The following EXOC1 variants were observed in gnomAD, a reference collection of about 807,000 sequenced individuals.
EXOC1 encodes exocyst complex component 1.
Under a neutral mutation model 107.7 loss-of-function variants are expected in EXOC1, and 67 were observed. The ratio of observed to expected loss-of-function variants is 0.62; its 90% CI spans 0.51 to 0.76. The LOEUF (loss-of-function observed/expected upper bound fraction) is 0.76. EXOC1 is among the 30% of genes least tolerant of loss of function. The probability of loss-of-function intolerance (pLI) is 0.00; values close to 1 mark genes in which losing one functional copy is unlikely to be tolerated. For synonymous variants in EXOC1, 348 were observed against 353.5 expected, an observed-to-expected ratio of 0.98 and a Z score of 0.17; for missense variants, 833 against 1,055.7, an observed-to-expected ratio of 0.79 and a Z score of 2.92.
In EXOC1 at chr4:55,863,705, C is replaced by T. The variant is rs1721691064; in HGVS notation, c.256-522C>T. Among the ~76,000 whole-genome samples the T allele has an allele frequency of 3.3e-5, 5 of 152,294 alleles. 1 individual carries two copies. The South Asian group carries it at 1.0e-3, about 32-fold the overall frequency. ...TTTCAAAATAGAAAATAATTAGGCG[C>T]AATCTCTGCTTTTCACCTCACTTGT... On this transcript the variant is annotated intron_variant, in intron 3 of 18. Coordinates refer to ENST00000381295, the MANE Select transcript of EXOC1 (RefSeq NM_001024924.2).
At chr4:55,861,061 ACACT>A (rs1271589003) in intron 3 of EXOC1, among the ~76,000 whole-genome samples, 1 of 152,190 alleles carries the variant, frequency 6.6e-6, no homozygotes, top group Non-Finnish European at 1.5e-5. Flanking sequence ...TAGATAAACC[ACACT>A]CAAACTCCAA....
At chr4:55,857,501 C>A (rs778176614) in intron 1 of EXOC1, among the ~76,000 whole-genome samples, 6 of 152,092 alleles carry the variant, frequency 3.9e-5, no homozygotes, top group Non-Finnish European at 7.4e-5. Context: ...GAATAATAAT[C>A]CATTGTATGG....
intron 1 of EXOC1, among the ~76,000 whole-genome samples, chr4:55,854,770 A>G (rs753436925): frequency 3.9e-5 from 6 of 152,206 alleles, no homozygotes; most frequent in Non-Finnish European, 8.8e-5. Flanking sequence ...TATGTGGTAA[A>G]CGTTGGTCCC....
intron 2 of EXOC1, 40 bp downstream of exon 2, chr4:55,858,487 T>C: frequency 6.6e-7 from 1 of 1,515,542 alleles, no homozygotes; most frequent in Non-Finnish European, 8.8e-7. Flanking sequence ...TTTGTATCCT[T>C]TTATTATTTA....
intron 15 of EXOC1, among the ~76,000 whole-genome samples, chr4:55,894,088 G>A (rs1283579926): frequency 1.3e-5 from 2 of 152,150 alleles, no homozygotes; most frequent in Non-Finnish European, 2.9e-5. Flanking sequence ...ACTTTTTAAG[G>A]CCGAGGTGGG....
intron 8 of EXOC1, chr4:55,875,944 C>T (rs978169043): frequency 2.1e-6 from 2 of 931,946 alleles, no homozygotes; most frequent in African/African-American, 3.6e-5. Flanking sequence ...AATTTGGAGA[C>T]ATTTATAGAC....
intron 15 of EXOC1, among the ~76,000 whole-genome samples, chr4:55,894,709 G>A (rs765163223): frequency 1.5e-5 from 2 of 131,082 alleles, no homozygotes; most frequent in East Asian, 2.6e-4. Flanking sequence ...CGCAACCTCC[G>A]CCTCCTGGGT....
At chr4:55,898,498 A>G (rs1725512502) in intron 16 of EXOC1, among the ~76,000 whole-genome samples, 1 of 152,232 alleles carries the variant, frequency 6.6e-6, no homozygotes, top group Admixed American at 6.5e-5. Context: ...AGTGCTAGCC[A>G]GTACAAGACC....
At chr4:55,884,099 A>G (rs964145878) in intron 10 of EXOC1, among the ~76,000 whole-genome samples, 171 bp downstream of exon 10, 9 of 152,218 alleles carry the variant, frequency 5.9e-5, no homozygotes, top group Non-Finnish European at 8.8e-5. Flanking sequence ...AAATATGTAT[A>G]TCTGTAAATT....
rs1208758687 is a variant in EXOC1, at chr4:55,871,246, G to C, written c.964+13G>C. Reference sequence around the variant, plus strand: ...GCTCTTCGACCAGGTATGTTCATTAGAAATGACAAAAATGTGACCAAGAAT... The same window carrying C: ...GCTCTTCGACCAGGTATGTTCATTACAAATGACAAAAATGTGACCAAGAAT... On this transcript the variant is annotated intron_variant, in intron 7 of 18. Coordinates refer to ENST00000381295, the MANE Select transcript of EXOC1 (RefSeq NM_001024924.2). 4 of 1,597,632 alleles carry C rather than the reference G, an allele frequency of 2.5e-6. No homozygotes were observed. Among genetic ancestry groups the C allele is most frequent in the Non-Finnish European group, 3.4e-6 (4 of 1,170,812 alleles).
At chr4:55,865,286 T>C (rs1317949120) in intron 4 of EXOC1, among the ~76,000 whole-genome samples, 3 of 152,196 alleles carry the variant, frequency 2.0e-5, no homozygotes, top group Admixed American at 6.5e-5. Flanking sequence ...TATGAGATTT[T>C]CTCTACTTTT....
At chr4:55,890,570 T>C (rs1724412969) in intron 12 of EXOC1, among the ~76,000 whole-genome samples, 184 bp downstream of exon 12, 1 of 147,484 alleles carries the variant, frequency 6.8e-6, no homozygotes. Flanking sequence ...ACAAGTAAAA[T>C]GTGAATTATC....
intron 10 of EXOC1, chr4:55,885,527 A>G (rs1277179973): frequency 1.3e-5 from 2 of 152,178 alleles, no homozygotes; most frequent in South Asian, 2.1e-4. Flanking sequence ...CATATCTTCT[A>G]TTAAATGTGT....
rs772700227 is a variant in EXOC1, at chr4:55,894,614, C to CTTTTTTT, written c.1953+853_1953+859dup. ...TTGACAACTTTCTTACTATCTGTTA[C>CTTTTTTT]TTTTTTTTTTTTTTTTTTTTTTTTT... On this transcript the variant is annotated intron_variant, in intron 15 of 18. Coordinates refer to ENST00000381295, the MANE Select transcript of EXOC1 (RefSeq NM_001024924.2). Among the ~76,000 whole-genome samples, 231 of 76,124 alleles carry CTTTTTTT rather than the reference C, an allele frequency of 3.0e-3. 1 individual carries two copies. Among genetic ancestry groups the CTTTTTTT allele is most frequent in the South Asian group, 3.8e-3 (6 of 1,560 alleles). The allele number at this position is 76,124 out of a possible 152,430, so 49.9% of individuals were successfully genotyped here. A position where few individuals can be genotyped will look rare whatever the true frequency, so the allele number is the denominator to read the frequency against.
intron 16 of EXOC1, among the ~76,000 whole-genome samples, chr4:55,898,119 G>A (rs533901045): frequency 1.6e-4 from 24 of 152,184 alleles, no homozygotes; most frequent in South Asian, 8.3e-4. Flanking sequence ...TTAGCCAGAC[G>A]TGGTGGTGTG....
chr4:55,878,024 G>A lies in EXOC1; in HGVS notation c.1182G>A (p.Trp394Ter). Residue 394 changes from tryptophan (W) to a stop codon, truncating the protein, a stop_gained, in exon 9 of 19, where the codon TGG becomes TGA. Transcript: ENST00000381295. LOFTEE classifies it high-confidence loss of function. ...DLLRYAKLME[W>*]LKSTDYGKYE... Reference sequence around the variant, plus strand: ...TCCGATATGCCAAGCTGATGGAGTGGCTAAAGAGTACAGATTATGGAAAAT... The same window carrying A: ...TCCGATATGCCAAGCTGATGGAGTGACTAAAGAGTACAGATTATGGAAAAT... The A allele has an allele frequency of 6.2e-7, 1 of 1,613,796 alleles. No homozygotes were observed. The highest frequency in any genetic ancestry group is 8.5e-7 in the Non-Finnish European group (1 of 1,179,832).
chr4:55,878,008 C>G lies in EXOC1; in HGVS notation c.1166C>G (p.Ala389Gly), dbSNP rs745338525. ...HPFHRDLLRY[A>G]KLMEWLKSTD... ...TTTCATAGAGATTTGCTCCGATATG[C>G]CAAGCTGATGGAGTGGCTAAAGAGT... is the stretch of plus-strand genomic sequence containing the variant. Residue 389 changes from alanine (A) to glycine (G), a missense_variant, in exon 9 of 19, where the codon GCC becomes GGC. Ala to Gly is a moderately conservative substitution (Grantham distance 60). Transcript: ENST00000381295. 3 of 1,613,756 alleles carry G rather than the reference C, an allele frequency of 1.9e-6. No homozygotes were observed. Among genetic ancestry groups the G allele is most frequent in the Admixed American group, 3.3e-5 (2 of 59,980 alleles).
rs773781899 is a variant in EXOC1 at position 55,853,722 on chromosome 4, G to C, written c.-242G>C. The C allele has an allele frequency of 6.6e-6, 1 of 152,288 alleles. No individual in the cohort carries two copies. 9.4% of individuals were successfully genotyped at this position (152,288 alleles called of 1,614,324 possible). ...CCCGTTCAACGCTTTATTGAGGGGC[G>C]TATCCTAGTGGCCCCCATCCGGTCT... On this transcript the variant is annotated 5_prime_UTR_variant, in exon 1 of 19. Coordinates refer to ENST00000381295, the MANE Select transcript of EXOC1 (RefSeq NM_001024924.2).
At chr4:55,856,334 C>G (rs760468262) in intron 1 of EXOC1, among the ~76,000 whole-genome samples, 1 of 152,104 alleles carries the variant, frequency 6.6e-6, no homozygotes, top group Non-Finnish European at 1.5e-5. Flanking sequence ...AGCACTGTCT[C>G]CAGGCTAGGT....
Sources: allele counts gnomAD v4.1 joint callset (sites outside exome capture counted in the v4.1 genomes callset), GRCh38; gene constraint gnomAD v4.1.1; transcripts MANE v1.5; gene names NCBI Gene and HGNC (gene_info 2026-07-23, HGNC 2026-07-21).